Variants in TENM2 observed in about 807,000 individuals in gnomAD.
TENM2 encodes teneurin-2.
In TENM2, 52 loss-of-function variants were observed where a neutral mutation model predicts 245.2. The ratio of observed to expected loss-of-function variants is 0.21; its 90% confidence interval spans 0.17 to 0.27. The LOEUF is 0.27. Ranked by LOEUF, TENM2 falls within the 10% of genes least tolerant of loss-of-function variation. The pLI, the probability that TENM2 is intolerant of heterozygous loss-of-function variation, is 1.00. For synonymous variants in TENM2, 1,363 were observed against 1,438.9 expected (o/e 0.95, Z 1.19); for missense variants, 3,046 against 3,666.8 (o/e 0.83, Z 4.37).
At chr5:167,704,176 A>G (rs1218916611) in intron 2 of TENM2, among the ~76,000 whole-genome samples, 1 of 152,174 alleles carries the variant, frequency 6.6e-6, no homozygotes, top group Non-Finnish European at 1.5e-5. Flanking sequence ...GGTATGGGAT[A>G]TTGAGAGGTA....
intron 2 of TENM2, among the ~76,000 whole-genome samples, chr5:167,584,512 G>C (rs1365352566): frequency 6.6e-6 from 1 of 152,096 alleles, no homozygotes; most frequent in Non-Finnish European, 1.5e-5. Flanking sequence ...TTTTTCATCT[G>C]TGAGGCATGG....
chr5:167,616,297 A>G (rs1777784543), intron 2 of TENM2, among the ~76,000 whole-genome samples: 1 of 152,134 alleles, frequency 6.6e-6, no homozygotes, highest in East Asian at 1.9e-4. Context: ...TGTAACAGGA[A>G]ATAAGAGCAG....
At chr5:167,464,892 T>A (rs547593371) in intron 2 of TENM2, among the ~76,000 whole-genome samples, 1 of 152,372 alleles carries the variant, frequency 6.6e-6, no homozygotes, top group African/African-American at 2.4e-5. Context: ...GAAAATGTGC[T>A]GAACTATTCC....
chr5:167,359,902 A>G (rs1016065218), intron 1 of TENM2, among the ~76,000 whole-genome samples: 87 of 152,348 alleles, frequency 5.7e-4, no homozygotes, highest in African/African-American at 2.1e-3. Flanking sequence ...CATCATCCTT[A>G]GCAAACTAAG....
the TENM2 span, among the ~76,000 whole-genome samples, chr5:167,087,793 CT>C: frequency 3.5e-3 from 495 of 143,264 alleles, no homozygotes; most frequent in Middle Eastern, 7.2e-3. Context: ...CAATATCTCT[CT>C]TTTTTTTTTT....
intron 4 of TENM2, among the ~76,000 whole-genome samples, chr5:167,965,023 T>C (rs77675248): frequency 0.064 from 9,686 of 152,224 alleles, 328 homozygotes; most frequent in African/African-American, 0.077. Context: ...AGGTCCAGTT[T>C]GGAAAATAAA....
intron 2 of TENM2, among the ~76,000 whole-genome samples, chr5:167,840,221 G>A (rs1365878826): frequency 6.6e-6 from 1 of 152,194 alleles, no homozygotes; most frequent in Non-Finnish European, 1.5e-5. Flanking sequence ...TCTGATTATA[G>A]AGAAATAAAA....
chr5:168,070,984 A>G (rs1790968417), intron 7 of TENM2, among the ~76,000 whole-genome samples: 1 of 151,974 alleles, frequency 6.6e-6, no homozygotes, highest in Non-Finnish European at 1.5e-5. Flanking sequence ...AAGGGAAAGG[A>G]AAAGAGAAAG....
At chr5:167,589,015 A>T (rs1775695859) in intron 2 of TENM2, among the ~76,000 whole-genome samples, 1 of 152,202 alleles carries the variant, frequency 6.6e-6, no homozygotes, top group Non-Finnish European at 1.5e-5. Context: ...AGCCTGGGCA[A>T]CATGGCAAAA....
At chr5:167,190,157 A>G in the TENM2 span, among the ~76,000 whole-genome samples, 21 of 152,112 alleles carry the variant, frequency 1.4e-4, no homozygotes, top group Non-Finnish European at 2.2e-4. Context: ...GGAGTTGGAG[A>G]GTCACAGCCC....
intron 12 of TENM2, among the ~76,000 whole-genome samples, chr5:168,133,113 A>G (rs1754736284): frequency 6.6e-6 from 1 of 152,238 alleles, no homozygotes; most frequent in Non-Finnish European, 1.5e-5. Flanking sequence ...GTTGGATCAC[A>G]TCATTGCCTT....
intron 2 of TENM2, among the ~76,000 whole-genome samples, chr5:167,405,769 A>AACACACACACACACACACACACACAC (rs149621688): frequency 2.4e-4 from 35 of 145,274 alleles, no homozygotes; most frequent in Middle Eastern, 7.0e-3. Flanking sequence ...CACACACACA[A>AACACACACACACACACACACACACAC]ACACACACAC....
intron 4 of TENM2, among the ~76,000 whole-genome samples, chr5:167,989,622 G>A (rs998206717): frequency 5.3e-5 from 8 of 152,152 alleles, no homozygotes; most frequent in Admixed American, 1.3e-4. Context: ...GGATAACCAC[G>A]GATTTGCAAG....
intron 2 of TENM2, among the ~76,000 whole-genome samples, chr5:167,422,990 G>A (rs1023320557): frequency 2.6e-5 from 4 of 152,136 alleles, no homozygotes; most frequent in Non-Finnish European, 5.9e-5. Flanking sequence ...ATGTTGTGCA[G>A]CGTTGACTCC....
At chr5:167,899,546 A>G (rs1775518176) in intron 3 of TENM2, among the ~76,000 whole-genome samples, 1 of 152,228 alleles carries the variant, frequency 6.6e-6, no homozygotes, top group Non-Finnish European at 1.5e-5. Context: ...AGATGAGGTA[A>G]CAGAGATTTT....
At chr5:168,228,199 A>G (rs1242571389) in intron 25 of TENM2, 69 bp downstream of exon 27, 1 of 1,315,200 alleles carries the variant, frequency 7.6e-7, no homozygotes, top group South Asian at 1.3e-5. Context: ...CAGAGCTGAG[A>G]AAGTTTCTCT....
At chr5:167,162,576 C>T in the TENM2 span, among the ~76,000 whole-genome samples, 6 of 150,436 alleles carry the variant, frequency 4.0e-5, no homozygotes, top group African/African-American at 1.2e-4. Flanking sequence ...TGCAGTGAGC[C>T]GAGATGGCGC....
chr5:166,980,723 C>T, the TENM2 span, among the ~76,000 whole-genome samples: 1 of 152,108 alleles, frequency 6.6e-6, no homozygotes, highest in African/African-American at 2.4e-5. Context: ...ATAATGGCAG[C>T]TTAAATGGAG....
intron 2 of TENM2, among the ~76,000 whole-genome samples, chr5:167,394,879 G>C (rs962398333): frequency 6.6e-6 from 1 of 152,148 alleles, no homozygotes; most frequent in Non-Finnish European, 1.5e-5. Flanking sequence ...TTACAAGTGT[G>C]AGCCATCAGG....
Sources: gnomAD v4.1 joint callset for allele counts (sites outside exome capture counted in the v4.1 genomes callset) on GRCh38, gnomAD v4.1.1 for gene constraint, MANE v1.5 for transcripts, NCBI Gene and HGNC (gene_info 2026-07-23, HGNC 2026-07-21) for gene names.